The following PCDH9 variants were observed in gnomAD, a reference collection of about 807,000 sequenced individuals.
The protein encoded by PCDH9 is protocadherin 9, also known as protocadherin-9.
PCDH9 carries 24 observed loss-of-function variants against 70.6 expected under a neutral mutation model. That is an observed-to-expected ratio of 0.34 (90% CI 0.25 to 0.48). The LOEUF (loss-of-function observed/expected upper bound fraction) is 0.48, where lower values mean the gene tolerates loss of function less well. Among genes scored for constraint, PCDH9 ranks in the 20% least tolerant of loss-of-function variants. The pLI is 0.99. For missense variants in PCDH9, 1,281 were observed against 1,503.6 expected, an observed-to-expected ratio of 0.85 and a Z score of 2.45; for synonymous variants, 562 against 558.5, an observed-to-expected ratio of 1.01 and a Z score of -0.09.
chr13:66,783,917 C>T (rs2080039234), intron 3 of PCDH9, among the ~76,000 whole-genome samples: 1 of 152,046 alleles, frequency 6.6e-6, no homozygotes, highest in Non-Finnish European at 1.5e-5. Context: ...TTGCCACATC[C>T]TTGAACATGA....
chr13:66,707,992 T>C (rs912232496), intron 3 of PCDH9, among the ~76,000 whole-genome samples: 1 of 152,244 alleles, frequency 6.6e-6, no homozygotes, highest in African/African-American at 2.4e-5. Context: ...TCCGTTTTCT[T>C]ATTTTGAAGA....
chr13:66,399,916 A>C (rs1338825550), intron 4 of PCDH9, among the ~76,000 whole-genome samples: 1 of 152,158 alleles, frequency 6.6e-6, no homozygotes, highest in Non-Finnish European at 1.5e-5. Context: ...AGTGAGAATC[A>C]GACCCTGGGT....
intron 2 of PCDH9, among the ~76,000 whole-genome samples, chr13:67,111,027 T>C (rs184396881): frequency 1.3e-5 from 2 of 152,338 alleles, no homozygotes; most frequent in East Asian, 3.9e-4. Flanking sequence ...ATATGGCTGA[T>C]TGAATTAAAA....
intron 4 of PCDH9, among the ~76,000 whole-genome samples, chr13:66,491,385 T>TTGTGTGTG (rs71106974): frequency 0.028 from 3,778 of 136,086 alleles, 136 homozygotes; most frequent in African/African-American, 0.069. Flanking sequence ...GCAGGAGATA[T>TTGTGTGTG]TGTGTGTGTG....
chr13:67,133,297 A>G (rs577137125), intron 2 of PCDH9, among the ~76,000 whole-genome samples: 2 of 152,242 alleles, frequency 1.3e-5, no homozygotes, highest in Admixed American at 1.3e-4. Context: ...GTTTCACAGG[A>G]TAGAAATAGG....
intron 4 of PCDH9, among the ~76,000 whole-genome samples, chr13:66,372,965 A>C (rs1350709129): frequency 6.6e-6 from 1 of 151,954 alleles, no homozygotes; most frequent in African/African-American, 2.4e-5. Flanking sequence ...ATCTAGCAAT[A>C]CCACTTCTGA....
At chr13:66,780,634 G>C (rs2079983433) in intron 3 of PCDH9, among the ~76,000 whole-genome samples, 1 of 151,868 alleles carries the variant, frequency 6.6e-6, no homozygotes, top group Non-Finnish European at 1.5e-5. Context: ...TTACTCCCTA[G>C]TCAATATTCT....
chr13:66,494,267 G>GT (rs1489785395), intron 4 of PCDH9, among the ~76,000 whole-genome samples: 5 of 152,032 alleles, frequency 3.3e-5, no homozygotes, highest in Non-Finnish European at 7.4e-5. Flanking sequence ...TCAGAAAACA[G>GT]TAAGCTCTCA....
intron 2 of PCDH9, among the ~76,000 whole-genome samples, chr13:66,909,686 G>A (rs1035773957): frequency 9.9e-5 from 15 of 152,064 alleles, no homozygotes; most frequent in African/African-American, 2.7e-4. Context: ...GGAGAATGGC[G>A]TGAACCTGGG....
Position 66,893,581 on chromosome 13 carries a change from C to A in PCDH9, c.3138+9923G>T, listed in dbSNP as rs188291041. ...AATATATGATAAATAAGAAGTGGTA[C>A]ATAAGTATGAGCTATTTTTTTGTCA... On this transcript the variant is annotated intron_variant, in intron 3 of 4. Transcript: ENST00000377865. 6.8e-3 allele frequency among the ~76,000 whole-genome samples: 1,042 copies of A among 152,196 alleles called. 4 individuals carry two copies. Among genetic ancestry groups the A allele is most frequent in the Non-Finnish European group, 0.011 (745 of 67,994 alleles).
intron 2 of PCDH9, among the ~76,000 whole-genome samples, chr13:67,050,130 A>G (rs1267368053): frequency 6.6e-6 from 1 of 152,224 alleles, no homozygotes; most frequent in African/African-American, 2.4e-5. Context: ...AAATAAAAAC[A>G]TATTATTTTC....
At chr13:67,100,230 A>T (rs1342497462) in intron 2 of PCDH9, among the ~76,000 whole-genome samples, 2 of 152,178 alleles carry the variant, frequency 1.3e-5, no homozygotes, top group African/African-American at 4.8e-5. Context: ...TAAAATTCTC[A>T]TTATATTATT....
intron 2 of PCDH9, among the ~76,000 whole-genome samples, chr13:67,033,104 G>A (rs1594418500): frequency 6.6e-6 from 1 of 151,942 alleles, no homozygotes; most frequent in African/African-American, 2.4e-5. Context: ...CTACATCGAG[G>A]CACAGACAAG....
chr13:66,390,451 C>A (rs2138266544), intron 4 of PCDH9, among the ~76,000 whole-genome samples: 1 of 152,166 alleles, frequency 6.6e-6, no homozygotes, highest in South Asian at 2.1e-4. Flanking sequence ...AAAATCTGGG[C>A]AAGGCCAGGT....
rs149038587 is a variant in PCDH9, at chr13:66,822,521, G to A, written c.3138+80983C>T. ...TTTTTTTTTTTTTTTTTTTTGAGACGGAGTCTTGCTCTGTCACCTAGGCTG... is the reference window on the plus strand; with the variant it reads ...TTTTTTTTTTTTTTTTTTTTGAGACAGAGTCTTGCTCTGTCACCTAGGCTG... On this transcript the variant is annotated intron_variant, in intron 3 of 4. Transcript: ENST00000377865. 5.1e-3 allele frequency among the ~76,000 whole-genome samples: 702 copies of A among 137,056 alleles called. 8 individuals carry two copies. The highest frequency in any genetic ancestry group is 0.018 in the African/African-American group (657 of 35,778). 89.9% of individuals were successfully genotyped at this position (137,056 alleles called of 152,430 possible).
chr13:66,487,231 T>C (rs921183925), intron 4 of PCDH9, among the ~76,000 whole-genome samples: 1 of 152,214 alleles, frequency 6.6e-6, no homozygotes, highest in Non-Finnish European at 1.5e-5. Flanking sequence ...GTAAATAATA[T>C]AGGCTCTCAA....
intron 4 of PCDH9, among the ~76,000 whole-genome samples, chr13:66,587,027 A>G (rs2076971924): frequency 1.3e-5 from 2 of 152,168 alleles, no homozygotes; most frequent in Admixed American, 6.6e-5. Context: ...GGCACCCGTC[A>G]GCTGGGCACG....
intron 3 of PCDH9, among the ~76,000 whole-genome samples, chr13:66,703,183 A>G (rs2078668782): frequency 6.6e-6 from 1 of 152,212 alleles, no homozygotes; most frequent in Non-Finnish European, 1.5e-5. Context: ...GTTTATTACC[A>G]TCACGCAATG....
chr13:66,648,619 C>A (rs1284524128), intron 3 of PCDH9, among the ~76,000 whole-genome samples: 4 of 152,062 alleles, frequency 2.6e-5, no homozygotes, highest in Non-Finnish European at 5.9e-5. Flanking sequence ...CACAAAAGCC[C>A]AGACTGTGAA....
Sources: gnomAD v4.1 joint callset for allele counts (sites outside exome capture counted in the v4.1 genomes callset) on GRCh38, gnomAD v4.1.1 for gene constraint, MANE v1.5 for transcripts, NCBI Gene and HGNC (gene_info 2026-07-23, HGNC 2026-07-21) for gene names.